FBXO34: variants seen among roughly 807,000 people sequenced by gnomAD.
FBXO34 encodes the protein F-box protein 34.
FBXO34 carries 12 observed loss-of-function variants against 24.5 expected under a neutral mutation model. The ratio of observed to expected loss-of-function variants is 0.49; its 90% CI spans 0.31 to 0.79. The LOEUF (loss-of-function observed/expected upper bound fraction) is 0.79, where lower values mean the gene tolerates loss of function less well. Ranked by LOEUF, FBXO34 falls within the 30% of genes least tolerant of loss-of-function variation. FBXO34 has a pLI of 0.04. For missense variants in FBXO34, 823 were observed against 857.7 expected, an observed-to-expected ratio of 0.96 and a Z score of 0.51; for synonymous variants, 320 against 311.9, an observed-to-expected ratio of 1.03 and a Z score of -0.27.
chr14:55,343,129 A>T (rs1345643810), intron 1 of FBXO34, among the ~76,000 whole-genome samples: 1 of 152,154 alleles, frequency 6.6e-6, no homozygotes, highest in Non-Finnish European at 1.5e-5. Context: ...GGAAGCTTTT[A>T]CAGTTTTTAA....
chr14:55,331,965 G>T (rs1455956919), intron 1 of FBXO34, among the ~76,000 whole-genome samples: 4 of 135,416 alleles, frequency 3.0e-5, no homozygotes, highest in Admixed American at 2.9e-4. Context: ...CACCACCGTG[G>T]TGTATATATA....
chr14:55,389,626 T>C, the FBXO34 span, among the ~76,000 whole-genome samples: 1 of 152,210 alleles, frequency 6.6e-6, no homozygotes, highest in Non-Finnish European at 1.5e-5. Flanking sequence ...CTTCAGAAAT[T>C]CATGGACTGC....
chr14:55,369,308 C>G (rs967410076), downstream of FBXO34: 1 of 214,978 alleles, frequency 4.7e-6, no homozygotes. Flanking sequence ...GGCCCGGGCC[C>G]AGAGGGAACC....
At chr14:55,427,319 A>G in the FBXO34 span, among the ~76,000 whole-genome samples, 8 of 152,210 alleles carry the variant, frequency 5.3e-5, no homozygotes, top group Non-Finnish European at 1.2e-4. Context: ...CATAATCAAG[A>G]GAAAAATAAA....
rs142232953 is a variant in FBXO34 at position 55,307,202 on chromosome 14, A to G, written c.-11+35665A>G. 1.1e-3 allele frequency among the ~76,000 whole-genome samples: 170 copies of G among 152,344 alleles called. 1 individual carries two copies. Among genetic ancestry groups the G allele is most frequent in the African/African-American group, 3.9e-3 (164 of 41,582 alleles). ...GGTGTGACAGGAGGGCATGACAGAT[A>G]ATGGTTCTTTTTTCCGCCCCTCTGT... On this transcript the variant is annotated intron_variant, in intron 1 of 1. Transcript: ENST00000313833.
At chr14:55,437,598 G>A in the FBXO34 span, among the ~76,000 whole-genome samples, 1 of 152,226 alleles carries the variant, frequency 6.6e-6, no homozygotes, top group Admixed American at 6.5e-5. Context: ...CTAGTAAGTT[G>A]CCACTCTCTA....
the FBXO34 span, among the ~76,000 whole-genome samples, chr14:55,383,401 A>T: frequency 1.3e-5 from 2 of 152,086 alleles, no homozygotes; most frequent in Non-Finnish European, 1.5e-5. Context: ...AAATACAAAA[A>T]TAAGCTGGGC....
intron 1 of FBXO34, among the ~76,000 whole-genome samples, chr14:55,320,091 C>CAGAT (rs979881769): frequency 3.9e-5 from 6 of 152,214 alleles, no homozygotes; most frequent in Admixed American, 3.9e-4. Flanking sequence ...TGGACCGCCT[C>CAGAT]AGGTTATCCA....
chr14:55,412,761 C>G, the FBXO34 span, among the ~76,000 whole-genome samples: 1 of 152,154 alleles, frequency 6.6e-6, no homozygotes, highest in Non-Finnish European at 1.5e-5. Context: ...TCTCAAGTTC[C>G]ATACCCAAAG....
chr14:55,338,048 C>CTTTTTTT (rs58194693), intron 1 of FBXO34, among the ~76,000 whole-genome samples: 4,104 of 88,016 alleles, frequency 0.047, 710 homozygotes, highest in Non-Finnish European at 0.06. Flanking sequence ...GTATGTACTT[C>CTTTTTTT]TTTTTTTTTT....
intron 1 of FBXO34, among the ~76,000 whole-genome samples, chr14:55,292,470 A>C (rs1881975291): frequency 6.6e-6 from 1 of 151,744 alleles, no homozygotes; most frequent in Non-Finnish European, 1.5e-5. Flanking sequence ...AGTGATCCTC[A>C]CACCTCAGCC....
At chr14:55,365,765 C>T (rs1884664613), downstream of FBXO34, among the ~76,000 whole-genome samples, 1 of 152,178 alleles carries the variant, frequency 6.6e-6, no homozygotes, top group African/African-American at 2.4e-5. Context: ...TGCCTGCCAG[C>T]CTTCTGCTCC....
chr14:55,274,373 C>T (rs574141346), intron 1 of FBXO34, among the ~76,000 whole-genome samples: 92 of 152,280 alleles, frequency 6.0e-4, no homozygotes, highest in African/African-American at 2.2e-3. Context: ...CAAGCCAGAA[C>T]TCGTGTGAAA....
chr14:55,408,831 G>A, the FBXO34 span, among the ~76,000 whole-genome samples: 1 of 152,146 alleles, frequency 6.6e-6, no homozygotes, highest in African/African-American at 2.4e-5. Context: ...CAATTCAAGG[G>A]AGCATGAGTC....
the FBXO34 span, among the ~76,000 whole-genome samples, chr14:55,420,809 C>G: frequency 6.6e-6 from 1 of 151,938 alleles, no homozygotes; most frequent in East Asian, 1.9e-4. Flanking sequence ...CCTGTAATCC[C>G]AGCACTTTGG....
intron 1 of FBXO34, among the ~76,000 whole-genome samples, chr14:55,318,871 G>C (rs1406537728): frequency 6.6e-6 from 1 of 152,040 alleles, no homozygotes; most frequent in Admixed American, 6.5e-5. Context: ...TTATTGCTCT[G>C]TTATCCAAGA....
At position 55,352,476 on chromosome 14, in the gene FBXO34, C is replaced by T. The variant is rs1017603455; in HGVS notation, c.2086C>T (p.Arg696Trp). 8 of 1,613,414 alleles carry T rather than the reference C, an allele frequency of 5.0e-6. 1 individual carries two copies. Among genetic ancestry groups the T allele is most frequent in the South Asian group, 4.4e-5 (4 of 91,008 alleles). ...HWVPACHSFN[R>W]AIHKKAKGTE... is the part of the protein sequence containing the mutation. ...GGTTCCTGCCTGCCACAGCTTTAAT[C>T]GGGCAATCCATAAGAAAGCAAAAGG... Residue 696 changes from arginine to tryptophan, a missense_variant, in exon 2 of 2, where the codon CGG (arginine) becomes TGG (tryptophan). Around this residue, in one of 2 missense-constraint regions of FBXO34, gnomAD observed 130 missense variants for 198.6 expected, o/e 0.65. Coordinates refer to ENST00000313833, the MANE Select transcript of FBXO34 (RefSeq NM_017943.4).
chr14:55,334,575 C>A (rs1043787488), intron 1 of FBXO34, among the ~76,000 whole-genome samples: 1 of 151,850 alleles, frequency 6.6e-6, no homozygotes, highest in African/African-American at 2.4e-5. Flanking sequence ...CAACGAGGAG[C>A]CAGTTGGAGA....
intron 1 of FBXO34, among the ~76,000 whole-genome samples, chr14:55,341,428 G>GAAA (rs1202934347): frequency 6.6e-6 from 1 of 152,168 alleles, no homozygotes; most frequent in African/African-American, 2.4e-5. Context: ...TTGTCATATG[G>GAAA]AAAAATGATT....
Sources: allele counts gnomAD v4.1 joint callset (sites outside exome capture counted in the v4.1 genomes callset), GRCh38; gene constraint gnomAD v4.1.1; regional missense constraint gnomAD v4.1.1; transcripts MANE v1.5; gene names NCBI Gene and HGNC (gene_info 2026-07-23, HGNC 2026-07-21).